The following SERPIND1 variants were observed in gnomAD, a reference collection of about 807,000 sequenced individuals.
SERPIND1 encodes serpin family D member 1.
Under a neutral mutation model 35.0 loss-of-function variants are expected in SERPIND1, and 34 were observed. That is an observed-to-expected ratio of 0.97 (90% CI 0.74 to 1.29). The LOEUF is 1.29. Ranked by LOEUF, SERPIND1 falls within the 50% of genes most tolerant of loss-of-function variation. The pLI, the probability that SERPIND1 is intolerant of heterozygous loss-of-function variation, is 0.00. For missense variants in SERPIND1, 633 were observed against 637.7 expected (o/e 0.99, Z 0.08); for synonymous variants, 236 against 241.1 (o/e 0.98, Z 0.19).
chr22:20,787,197 G>C lies in SERPIND1; in HGVS notation c.*131G>C. On this transcript the variant is annotated 3_prime_UTR_variant, in exon 5 of 5. Transcript: ENST00000215727. ...ACCAATCTGAATTCGAGGCCCATATGAGAGGAGCTTAGAAACGACCAAGAA... is the reference window on the plus strand; with the variant it reads ...ACCAATCTGAATTCGAGGCCCATATCAGAGGAGCTTAGAAACGACCAAGAA... 1.2e-6 allele frequency: 1 copy of C among 833,254 alleles called. No homozygotes were observed. The highest frequency in any genetic ancestry group is 1.4e-5 in the South Asian group (1 of 69,798). The allele number at this position is 833,254 out of a possible 1,614,324, so 51.6% of individuals were successfully genotyped here.
At position 20,779,757 on chromosome 22, in the gene SERPIND1, G is replaced by T; in HGVS notation, c.445G>T (p.Asp149Tyr). Residue 149 changes from aspartate (D) to tyrosine (Y), a missense_variant, in exon 2 of 5, where the codon GAT (aspartate) becomes TAT (tyrosine). Coordinates refer to ENST00000215727, the MANE Select transcript of SERPIND1 (RefSeq NM_000185.4). The stretch of plus-strand genomic sequence containing the variant: ...GCTGAAAGACCAGGTCAACACTTTC[G>T]ATAACATCTTCATAGCACCCGTTGG... ...RVLKDQVNTFDNIFIAPVGIS... is the reference protein window; with the variant it reads ...RVLKDQVNTFYNIFIAPVGIS... 6.2e-7 allele frequency: 1 copy of T among 1,614,180 alleles called. No individual in the cohort carries two copies. The highest frequency in any genetic ancestry group is 2.2e-5 in the East Asian group (1 of 44,880).
intron 3 of SERPIND1, among the ~76,000 whole-genome samples, chr22:20,784,778 TATTGAG>T (rs1385984311): frequency 6.6e-6 from 1 of 152,202 alleles, no homozygotes; most frequent in Non-Finnish European, 1.5e-5. Context: ...GTTAAGTACT[TATTGAG>T]ATTATTATTG....
intron 1 of SERPIND1, among the ~76,000 whole-genome samples, chr22:20,776,369 C>T (rs1022630909): frequency 1.3e-5 from 2 of 152,022 alleles, no homozygotes; most frequent in Admixed American, 6.6e-5. Flanking sequence ...ACTGTTTTCC[C>T]GTGTGTAAAC....
intron 1 of SERPIND1, among the ~76,000 whole-genome samples, chr22:20,776,599 GCT>G (rs1933302255): frequency 6.6e-6 from 1 of 152,204 alleles, no homozygotes; most frequent in South Asian, 2.1e-4. Flanking sequence ...CTAGGAAGCT[GCT>G]CTGCACGGCC....
intron 3 of SERPIND1, among the ~76,000 whole-genome samples, chr22:20,785,067 C>CTTT (rs1555894632): frequency 3.7e-5 from 5 of 134,442 alleles, no homozygotes; most frequent in Admixed American, 7.6e-5. Flanking sequence ...GGGACTGCAT[C>CTTT]TTTTTTTTTT....
intron 2 of SERPIND1, among the ~76,000 whole-genome samples, chr22:20,782,361 C>T (rs914195900): frequency 6.6e-6 from 1 of 152,200 alleles, no homozygotes; most frequent in Non-Finnish European, 1.5e-5. Context: ...CTTTCCCCAT[C>T]ATGAGAATAG....
intron 3 of SERPIND1, among the ~76,000 whole-genome samples, chr22:20,784,565 C>T (rs1331639577): frequency 2.0e-5 from 3 of 152,144 alleles, no homozygotes; most frequent in African/African-American, 4.8e-5. Flanking sequence ...AATTCCATTA[C>T]TTCCCCGGGT....
In SERPIND1 at chr22:20,787,150, C is replaced by A; in HGVS notation, c.*84C>A. On this transcript the variant is annotated 3_prime_UTR_variant, in exon 5 of 5. Transcript: ENST00000215727. ...AACAACGAGAACAGAGATGTTCTGG[C>A]ATCATTTACGTAGTTTACGCTACCA... is the stretch of plus-strand genomic sequence containing the variant. The A allele has an allele frequency of 7.9e-7, 1 of 1,263,872 alleles. No individual in the cohort carries two copies. Among genetic ancestry groups the A allele is most frequent in the Non-Finnish European group, 1.2e-6 (1 of 867,950 alleles). 78.3% of individuals were successfully genotyped at this position (1,263,872 alleles called of 1,614,324 possible). A position where few individuals can be genotyped will look rare whatever the true frequency, so the allele number is the denominator to read the frequency against.
intron 2 of SERPIND1, 40 bp downstream of exon 2, chr22:20,780,241 C>T: frequency 6.2e-7 from 1 of 1,613,802 alleles, no homozygotes; most frequent in Non-Finnish European, 8.5e-7. Context: ...AAACCCACAA[C>T]ATACTATTTT....
intron 1 of SERPIND1, among the ~76,000 whole-genome samples, chr22:20,775,467 T>A (rs1601463301): frequency 6.6e-6 from 1 of 152,104 alleles, no homozygotes; most frequent in Non-Finnish European, 1.5e-5. Context: ...GGGAACAGGG[T>A]ATAAGAAGTT....
intron 2 of SERPIND1, among the ~76,000 whole-genome samples, chr22:20,783,158 T>C (rs1216774653): frequency 6.6e-6 from 1 of 152,204 alleles, no homozygotes; most frequent in African/African-American, 2.4e-5. Context: ...GTTACTCACA[T>C]CTTAGAGCTA....
intron 4 of SERPIND1, 69 bp from the exon 5 acceptor site, chr22:20,786,806 G>A: frequency 6.9e-7 from 1 of 1,439,908 alleles, no homozygotes; most frequent in Non-Finnish European, 9.8e-7. Flanking sequence ...AATGATATGA[G>A]ATTGTGCTGG....
chr22:20,781,129 C>A (rs1408396340), intron 2 of SERPIND1, among the ~76,000 whole-genome samples: 1 of 152,094 alleles, frequency 6.6e-6, no homozygotes, highest in East Asian at 1.9e-4. Context: ...GGGCTGAGCA[C>A]AAGGGCACTT....
At chr22:20,774,528 C>T (rs895063140) in intron 1 of SERPIND1, among the ~76,000 whole-genome samples, 1 of 152,036 alleles carries the variant, frequency 6.6e-6, no homozygotes, top group Admixed American at 6.5e-5. Flanking sequence ...TTTGGGAGGC[C>T]GAGGCGGGTG....
chr22:20,776,489 A>C (rs1933290205), intron 1 of SERPIND1, among the ~76,000 whole-genome samples: 1 of 152,192 alleles, frequency 6.6e-6, no homozygotes, highest in Non-Finnish European at 1.5e-5. Context: ...TGCAATTCAA[A>C]AGTCTTTCTT....
rs1348255969 is a variant in SERPIND1 at position 20,780,035 on chromosome 22, A to C, written c.723A>C (p.Arg241Ser). Residue 241 changes from arginine (R) to serine (S), a missense_variant, in exon 2 of 5, where the codon AGA becomes AGC. Transcript: ENST00000215727. ...TGCTTGACTTCAAAACTAAAGTAAG[A>C]GAGTATTACTTTGCTGAGGCCCAGA... is the stretch of plus-strand genomic sequence containing the variant. The part of the protein sequence containing the change: ...PILLDFKTKV[R>S]EYYFAEAQIA... The C allele has an allele frequency of 8.7e-6, 14 of 1,614,002 alleles. No individual in the cohort carries two copies. The highest frequency in any genetic ancestry group is 3.3e-4 in the Middle Eastern group (2 of 6,084).
At chr22:20,776,645 G>A (rs1003067014) in intron 1 of SERPIND1, among the ~76,000 whole-genome samples, 4 of 152,322 alleles carry the variant, frequency 2.6e-5, no homozygotes, top group East Asian at 3.9e-4. Context: ...ACTCCAGAGC[G>A]AACAAGGCTG....
At chr22:20,774,949 G>A (rs906864843) in intron 1 of SERPIND1, among the ~76,000 whole-genome samples, 15 of 151,964 alleles carry the variant, frequency 9.9e-5, no homozygotes, top group Admixed American at 9.8e-4. Context: ...ATCTCGGTAC[G>A]GGTATACAGG....
chr22:20,784,561 A>G (rs188035872), intron 3 of SERPIND1, among the ~76,000 whole-genome samples: 4 of 152,184 alleles, frequency 2.6e-5, no homozygotes, highest in Admixed American at 2.6e-4. Flanking sequence ...GTATAATTCC[A>G]TTACTTCCCC....
Sources: allele counts gnomAD v4.1 joint callset (sites outside exome capture counted in the v4.1 genomes callset), GRCh38; gene constraint gnomAD v4.1.1; transcripts MANE v1.5; gene names NCBI Gene and HGNC (gene_info 2026-07-23, HGNC 2026-07-21).